Variants in CWC27 observed in about 807,000 individuals in gnomAD.
The protein encoded by CWC27 is CWC27 spliceosome associated cyclophilin.
In CWC27, 47 loss-of-function variants were observed where a neutral mutation model predicts 63.6. That is an observed-to-expected ratio of 0.74 (90% CI 0.58 to 0.94). CWC27 has a LOEUF of 0.94. CWC27 is among the 40% of genes least tolerant of loss of function. The pLI is 0.00. For synonymous variants in CWC27, 175 were observed against 179.8 expected (o/e 0.97, Z 0.22); for missense variants, 495 against 554.3 (o/e 0.89, Z 1.07).
At chr5:64,901,321 T>TGCG (rs1747504316) in intron 11 of CWC27, among the ~76,000 whole-genome samples, 1 of 151,186 alleles carries the variant, frequency 6.6e-6, no homozygotes, top group Non-Finnish European at 1.5e-5. Context: ...ATTAGCCGGG[T>TGCG]GTGGTGGCAG....
chr5:64,939,154 C>T (rs573955898), intron 11 of CWC27, among the ~76,000 whole-genome samples: 8 of 152,182 alleles, frequency 5.3e-5, no homozygotes, highest in East Asian at 1.9e-4. Flanking sequence ...CCCTTGCTGG[C>T]GAGAAGTTGT....
At chr5:64,856,723 G>C (rs1245969740) in intron 10 of CWC27, among the ~76,000 whole-genome samples, 2 of 152,060 alleles carry the variant, frequency 1.3e-5, no homozygotes, top group South Asian at 4.1e-4. Flanking sequence ...TTGAAATTAA[G>C]TTAAAGGTAA....
At chr5:64,912,088 A>AAAAG (rs1291061360) in intron 11 of CWC27, among the ~76,000 whole-genome samples, 6 of 128,072 alleles carry the variant, frequency 4.7e-5, no homozygotes, top group South Asian at 2.1e-4. Flanking sequence ...AAAAAAAAAA[A>AAAAG]AAAGAAAGAA....
chr5:64,815,489 A>G (rs1301113167), intron 10 of CWC27, among the ~76,000 whole-genome samples: 1 of 152,214 alleles, frequency 6.6e-6, no homozygotes, highest in African/African-American at 2.4e-5. Context: ...TGTCAATAGG[A>G]TGAAGTATAA....
chr5:64,795,160 A>G (rs917793573), intron 7 of CWC27, among the ~76,000 whole-genome samples: 1 of 152,122 alleles, frequency 6.6e-6, no homozygotes. Flanking sequence ...CTTTCCCAAA[A>G]AAGTTGGGAG....
intron 10 of CWC27, among the ~76,000 whole-genome samples, chr5:64,835,370 A>G (rs1014335955): frequency 6.6e-6 from 1 of 151,832 alleles, no homozygotes; most frequent in African/African-American, 2.4e-5. Context: ...TTCCCTTTAC[A>G]TGGATGTCCA....
intron 11 of CWC27, among the ~76,000 whole-genome samples, chr5:64,901,474 G>A (rs918675730): frequency 1.5e-3 from 228 of 150,094 alleles, no homozygotes; most frequent in African/African-American, 5.3e-3. Context: ...AAAAAAAAAA[G>A]GTATAAAAGA....
intron 11 of CWC27, among the ~76,000 whole-genome samples, chr5:64,968,622 A>G (rs1040862881): frequency 2.0e-5 from 3 of 152,190 alleles, no homozygotes; most frequent in African/African-American, 4.8e-5. Flanking sequence ...TCCCATTTGT[A>G]TGAGTTTCTA....
chr5:64,979,426 G>A (rs1749290891), intron 13 of CWC27, among the ~76,000 whole-genome samples: 1 of 152,004 alleles, frequency 6.6e-6, no homozygotes, highest in African/African-American at 2.4e-5. Context: ...GCATATATAG[G>A]GCCCTTATGT....
chr5:64,807,850 G>C, intron 10 of CWC27: 1 of 1,517,108 alleles, frequency 6.6e-7, no homozygotes, highest in Non-Finnish European at 8.8e-7. Flanking sequence ...TCCCCGCTTC[G>C]AGAGTAAAAA....
chr5:64,811,969 G>A (rs1580630330), intron 10 of CWC27, among the ~76,000 whole-genome samples: 1 of 151,984 alleles, frequency 6.6e-6, no homozygotes, highest in East Asian at 1.9e-4. Context: ...GAATTCTTAT[G>A]GAACTTTGGA....
At chr5:64,870,058 A>G (rs1193899149) in intron 10 of CWC27, among the ~76,000 whole-genome samples, 1 of 152,116 alleles carries the variant, frequency 6.6e-6, no homozygotes, top group Non-Finnish European at 1.5e-5. Context: ...GGCCATATGC[A>G]AGAGCTGAAT....
At position 64,840,394 on chromosome 5, in the gene CWC27, AATATATATATATATATAT is replaced by A. The variant is rs61685920; in HGVS notation, c.938+36028_938+36045del. On this transcript the variant is annotated intron_variant, in intron 10 of 13. Transcript: ENST00000381070. ...AAAAAAAAAAAAAAAAAAAAAAAAA[AATATATATATATATATAT>A]ATATATATATATATATATACTTATT... 1.2e-3 allele frequency among the ~76,000 whole-genome samples: 24 copies of A among 19,492 alleles called. 1 individual carries two copies. The East Asian group carries it at 0.013, about 10-fold the overall frequency. 12.8% of individuals were successfully genotyped at this position (19,492 alleles called of 152,430 possible).
At chr5:64,867,896 A>C (rs1023388502) in intron 10 of CWC27, among the ~76,000 whole-genome samples, 3 of 151,148 alleles carry the variant, frequency 2.0e-5, no homozygotes, top group Non-Finnish European at 2.9e-5. Context: ...CAACTTCAAG[A>C]GATAAATCCA....
intron 10 of CWC27, among the ~76,000 whole-genome samples, chr5:64,829,790 C>G (rs1745464634): frequency 6.6e-6 from 1 of 151,668 alleles, no homozygotes; most frequent in South Asian, 2.1e-4. Context: ...CTATCCCTCC[C>G]CTAGCCTCCC....
At position 64,934,585 on chromosome 5, in the gene CWC27, T is replaced by C. The variant is rs1561161981; in HGVS notation, c.1043-37118T>C. On this transcript the variant is annotated intron_variant, in intron 11 of 13. Coordinates refer to ENST00000381070, the MANE Select transcript of CWC27 (RefSeq NM_005869.4). ...CATAGGTGTGCATATGTCTTTATAG[T>C]AGAATGATTTATAATCTGTTGGGTA... 2.0e-5 allele frequency among the ~76,000 whole-genome samples: 3 copies of C among 152,176 alleles called. No individual in the cohort carries two copies. In the South Asian group the frequency reaches 6.2e-4, roughly 32 times the overall value.
At chr5:64,871,807 C>A (rs1011992823) in intron 10 of CWC27, among the ~76,000 whole-genome samples, 1 of 152,064 alleles carries the variant, frequency 6.6e-6, no homozygotes, top group Non-Finnish European at 1.5e-5. Flanking sequence ...AGAGTCCAAG[C>A]CTATCAGTTA....
intron 13 of CWC27, among the ~76,000 whole-genome samples, chr5:64,986,872 G>A (rs1305968973): frequency 6.6e-6 from 1 of 152,136 alleles, no homozygotes; most frequent in Non-Finnish European, 1.5e-5. Context: ...TTTGGGGATG[G>A]CACTTTACCC....
chr5:64,858,650 AC>A (rs1561437139), intron 10 of CWC27, among the ~76,000 whole-genome samples: 1 of 152,110 alleles, frequency 6.6e-6, no homozygotes, highest in Non-Finnish European at 1.5e-5. Flanking sequence ...GCCAATAAAC[AC>A]AGAGAAAATA....
Sources: allele counts gnomAD v4.1 joint callset (sites outside exome capture counted in the v4.1 genomes callset), GRCh38; gene constraint gnomAD v4.1.1; transcripts MANE v1.5; gene names NCBI Gene and HGNC (gene_info 2026-07-23, HGNC 2026-07-21).